The following ADGRL3 variants were observed in gnomAD, a reference collection of about 807,000 sequenced individuals.
ADGRL3 encodes the protein adhesion G protein-coupled receptor L3, also known as calcium-independent alpha-latrotoxin receptor 3.
Under a neutral mutation model 153.5 loss-of-function variants are expected in ADGRL3, and 62 were observed. That is an observed-to-expected ratio of 0.40 (90% confidence interval 0.33 to 0.50). The LOEUF (loss-of-function observed/expected upper bound fraction) is 0.50, where lower values mean the gene tolerates loss of function less well. Among genes scored for constraint, ADGRL3 ranks in the 20% least tolerant of loss-of-function variants. ADGRL3 has a pLI of 0.47. For synonymous variants in ADGRL3, 710 were observed against 672.5 expected (o/e 1.06, Z -0.86); for missense variants, 1,641 against 1,859.4 (o/e 0.88, Z 2.16).
intron 8 of ADGRL3, among the ~76,000 whole-genome samples, chr4:61,737,853 T>C (rs1196922723): frequency 1.3e-5 from 2 of 152,202 alleles, no homozygotes; most frequent in Non-Finnish European, 2.9e-5. Flanking sequence ...GTATCTACTC[T>C]TCAACCATGA....
At chr4:62,003,212 G>T (rs2099146503) in intron 21 of ADGRL3, among the ~76,000 whole-genome samples, 1 of 152,062 alleles carries the variant, frequency 6.6e-6, no homozygotes, top group African/African-American at 2.4e-5. Context: ...AAGGACTTCT[G>T]CATAAAGACT....
chr4:61,957,883 A>G (rs1195721361), intron 17 of ADGRL3, among the ~76,000 whole-genome samples: 1 of 152,022 alleles, frequency 6.6e-6, no homozygotes, highest in African/African-American at 2.4e-5. Context: ...TTCTTCATAC[A>G]TGCTGTCTGC....
At chr4:61,796,272 G>A (rs554109728) in intron 8 of ADGRL3, among the ~76,000 whole-genome samples, 12 of 152,240 alleles carry the variant, frequency 7.9e-5, no homozygotes, top group Middle Eastern at 3.4e-3. Flanking sequence ...TCTTAGGGAA[G>A]GATCTAGGCC....
chr4:61,716,364 A>G (rs1318141149), intron 6 of ADGRL3, among the ~76,000 whole-genome samples: 1 of 152,100 alleles, frequency 6.6e-6, no homozygotes, highest in East Asian at 1.9e-4. Context: ...TCAATGTAGC[A>G]TTGCTGCCAG....
intron 1 of ADGRL3, among the ~76,000 whole-genome samples, chr4:61,316,414 T>C (rs543936840): frequency 8.5e-5 from 13 of 152,090 alleles, no homozygotes; most frequent in African/African-American, 2.9e-4. Context: ...GAAATTTGGA[T>C]TTTTTAAAAT....
intron 22 of ADGRL3, among the ~76,000 whole-genome samples, chr4:62,030,766 A>G (rs1238843134): frequency 6.6e-6 from 1 of 151,500 alleles, no homozygotes; most frequent in East Asian, 1.9e-4. Flanking sequence ...ACTGATTTCT[A>G]AAATCTACTA....
chr4:61,819,866 TTGAAAC>T (rs1321621859), intron 9 of ADGRL3, among the ~76,000 whole-genome samples: 17 of 152,120 alleles, frequency 1.1e-4, no homozygotes, highest in Non-Finnish European at 1.9e-4. Flanking sequence ...ATTGGTAACT[TTGAAAC>T]TGAGTTTTAA....
At chr4:61,765,494 C>T (rs2096965755) in intron 8 of ADGRL3, among the ~76,000 whole-genome samples, 1 of 152,042 alleles carries the variant, frequency 6.6e-6, no homozygotes, top group Non-Finnish European at 1.5e-5. Context: ...TTCTACTTTG[C>T]TTGAAGACAG....
Position 61,909,619 on chromosome 4 carries a change from T to G in ADGRL3, c.1947T>G (p.Asn649Lys). ...GAGAGCTGGCTGAACAGACAAGAAA[T>G]CACTTGAATGCTGGGGACATCACCT... is the stretch of plus-strand genomic sequence containing the variant. ...IARELAEQTR[N>K]HLNAGDITYS... Residue 649 changes from asparagine (N) to lysine (K), a missense_variant, in exon 12 of 27, where the codon AAT becomes AAG. Transcript: ENST00000683033. 6.2e-7 allele frequency: 1 copy of G among 1,613,454 alleles called. No homozygotes were observed. Among genetic ancestry groups the G allele is most frequent in the African/African-American group, 1.3e-5 (1 of 74,956 alleles).
chr4:61,251,354 G>T (rs556844800), intron 1 of ADGRL3, among the ~76,000 whole-genome samples: 103 of 152,278 alleles, frequency 6.8e-4, no homozygotes, highest in African/African-American at 2.4e-3. Context: ...CAGTATGACA[G>T]CTGTGTTTGG....
chr4:61,426,224 A>G (rs1243402637), intron 2 of ADGRL3, among the ~76,000 whole-genome samples: 1 of 152,238 alleles, frequency 6.6e-6, no homozygotes, highest in African/African-American at 2.4e-5. Context: ...GTTAACCACA[A>G]GATTGGGCCC....
chr4:61,827,860 G>A (rs2097826358), intron 9 of ADGRL3, among the ~76,000 whole-genome samples: 1 of 151,862 alleles, frequency 6.6e-6, no homozygotes, highest in African/African-American at 2.4e-5. Context: ...CATGTAGCGT[G>A]AAACATGACT....
chr4:61,346,908 T>C (rs1373083698), intron 1 of ADGRL3, among the ~76,000 whole-genome samples: 1 of 151,710 alleles, frequency 6.6e-6, no homozygotes, highest in African/African-American at 2.4e-5. Context: ...TTTTTAGAGG[T>C]CTTAATTATG....
intron 2 of ADGRL3, among the ~76,000 whole-genome samples, chr4:61,393,190 G>A (rs78626580): frequency 6.6e-6 from 1 of 152,014 alleles, no homozygotes; most frequent in African/African-American, 2.4e-5. Flanking sequence ...AAAAAAATAT[G>A]ATGTTGCAAT....
At chr4:61,714,218 T>TACACACACACACACACAC (rs1554010612) in intron 6 of ADGRL3, among the ~76,000 whole-genome samples, 1 of 128,980 alleles carries the variant, frequency 7.8e-6, no homozygotes, top group East Asian at 2.4e-4. Context: ...CCATGTAAAA[T>TACACACACACACACACAC]ACGCACACAC....
intron 1 of ADGRL3, among the ~76,000 whole-genome samples, chr4:61,358,230 T>C (rs947080180): frequency 2.0e-5 from 3 of 152,172 alleles, no homozygotes; most frequent in Non-Finnish European, 4.4e-5. Context: ...GAAGCCAGAA[T>C]GTTCATTTTA....
chr4:61,876,564 AC>A (rs2098476554), intron 9 of ADGRL3, among the ~76,000 whole-genome samples: 1 of 152,140 alleles, frequency 6.6e-6, no homozygotes, highest in South Asian at 2.1e-4. Flanking sequence ...TTTTCTGCTT[AC>A]AATCATTACA....
intron 8 of ADGRL3, among the ~76,000 whole-genome samples, chr4:61,776,040 C>A (rs1442204475): frequency 2.0e-5 from 3 of 151,946 alleles, no homozygotes; most frequent in African/African-American, 7.3e-5. Flanking sequence ...AGCTGGGACT[C>A]CAGGCGCCCG....
chr4:61,697,773 G>A (rs17226242), intron 6 of ADGRL3, among the ~76,000 whole-genome samples: 2,858 of 152,140 alleles, frequency 0.019, 74 homozygotes, highest in South Asian at 0.061. Flanking sequence ...TCAAGAAAAC[G>A]ATCACCTGGA....
Sources: gnomAD v4.1 joint callset for allele counts (sites outside exome capture counted in the v4.1 genomes callset) on GRCh38, gnomAD v4.1.1 for gene constraint, MANE v1.5 for transcripts, NCBI Gene and HGNC (gene_info 2026-07-23, HGNC 2026-07-21) for gene names.